The following PLXDC2 variants were observed in gnomAD, a reference collection of about 807,000 sequenced individuals.
PLXDC2 encodes the protein plexin domain containing 2, also known as plexin domain-containing protein 2.
Under a neutral mutation model 68.9 loss-of-function variants are expected in PLXDC2, and 40 were observed. The ratio of observed to expected loss-of-function variants is 0.58; its 90% CI spans 0.45 to 0.76. PLXDC2 has a LOEUF of 0.76. PLXDC2 is among the 30% of genes least tolerant of loss of function. The pLI is 0.00. For synonymous variants in PLXDC2, 243 were observed against 234.2 expected (o/e 1.04, Z -0.34); for missense variants, 644 against 661.9 (o/e 0.97, Z 0.30).
intron 1 of PLXDC2, among the ~76,000 whole-genome samples, chr10:19,867,037 C>T (rs1448633371): frequency 6.8e-6 from 1 of 147,826 alleles, no homozygotes; most frequent in African/African-American, 2.5e-5. Context: ...AGAAGAATGA[C>T]AATTGGAATT....
chr10:20,144,766 A>G (rs1834051084), intron 5 of PLXDC2, among the ~76,000 whole-genome samples: 1 of 152,192 alleles, frequency 6.6e-6, no homozygotes, highest in Non-Finnish European at 1.5e-5. Flanking sequence ...GTGAACACTG[A>G]CTATTTTCCA....
chr10:19,913,270 C>T (rs1439312340), intron 1 of PLXDC2, among the ~76,000 whole-genome samples: 1 of 152,054 alleles, frequency 6.6e-6, no homozygotes, highest in Non-Finnish European at 1.5e-5. Context: ...GTCAAGAGAT[C>T]CGGGTGTTTA....
At chr10:19,903,698 A>G (rs1177166958) in intron 1 of PLXDC2, among the ~76,000 whole-genome samples, 1 of 100,034 alleles carries the variant, frequency 1.0e-5, no homozygotes, top group African/African-American at 4.3e-5. Context: ...TCTCATCTTC[A>G]TTATTTTTTT....
intron 4 of PLXDC2, chr10:20,070,693 G>A (rs1032293655): frequency 6.6e-6 from 1 of 152,090 alleles, no homozygotes; most frequent in Non-Finnish European, 1.5e-5. Flanking sequence ...CATTAGGCAT[G>A]TTTTCTGAAA....
At chr10:20,047,055 G>T (rs1019973531) in intron 3 of PLXDC2, 40 bp downstream of exon 3, 3 of 1,521,044 alleles carry the variant, frequency 2.0e-6, no homozygotes, top group Non-Finnish European at 2.6e-6. Context: ...TACCTACTGT[G>T]AAAAAATAAT....
At chr10:20,037,735 G>A (rs12217228) in intron 2 of PLXDC2, among the ~76,000 whole-genome samples, 31,164 of 152,018 alleles carry the variant, frequency 0.21, 4,363 homozygotes, top group East Asian at 0.59. Context: ...AGATCACAAG[G>A]GTATTGTGCT....
intron 1 of PLXDC2, among the ~76,000 whole-genome samples, chr10:19,853,593 A>G (rs1339361041): frequency 6.9e-6 from 1 of 144,844 alleles, no homozygotes; most frequent in Non-Finnish European, 1.5e-5. Context: ...TCGAGTTTCT[A>G]TCTCATTCAG....
chr10:19,955,126 G>A (rs1171455287), intron 1 of PLXDC2, among the ~76,000 whole-genome samples: 2 of 137,930 alleles, frequency 1.5e-5, no homozygotes, highest in South Asian at 2.3e-4. Context: ...CTGTTGCCCA[G>A]GCTGGAGTGC....
At chr10:20,163,558 C>G (rs1834334829) in intron 6 of PLXDC2, among the ~76,000 whole-genome samples, 1 of 152,096 alleles carries the variant, frequency 6.6e-6, no homozygotes, top group South Asian at 2.1e-4. Flanking sequence ...CACCCAAAAT[C>G]TGCTTATTCT....
chr10:20,007,852 T>C (rs1835051393), intron 2 of PLXDC2, among the ~76,000 whole-genome samples: 1 of 152,220 alleles, frequency 6.6e-6, no homozygotes, highest in East Asian at 1.9e-4. Flanking sequence ...TTTAGGTGCC[T>C]GCCAACAGTA....
chr10:20,227,930 A>C (rs1835307581), intron 12 of PLXDC2, among the ~76,000 whole-genome samples: 1 of 152,192 alleles, frequency 6.6e-6, no homozygotes, highest in Non-Finnish European at 1.5e-5. Flanking sequence ...AGTATTTACT[A>C]ATGAAGTAGA....
chr10:20,052,658 G>C, intron 3 of PLXDC2, among the ~76,000 whole-genome samples: 1 of 135,342 alleles, frequency 7.4e-6, no homozygotes, highest in East Asian at 2.2e-4. Context: ...GGAGTTTCTC[G>C]AATCTTATCA....
intron 12 of PLXDC2, among the ~76,000 whole-genome samples, chr10:20,233,592 G>T (rs1376469107): frequency 6.6e-5 from 10 of 152,124 alleles, no homozygotes; most frequent in Admixed American, 5.2e-4. Context: ...TAAGTAATTT[G>T]TTCATAGTCA....
intron 1 of PLXDC2, among the ~76,000 whole-genome samples, chr10:19,889,623 A>G (rs1401555642): frequency 6.6e-6 from 1 of 152,162 alleles, no homozygotes. Context: ...CCTTTCCAAC[A>G]TGTCTTACTG....
intron 1 of PLXDC2, among the ~76,000 whole-genome samples, chr10:19,863,726 C>G (rs1472447701): frequency 6.6e-6 from 1 of 151,994 alleles, no homozygotes; most frequent in Admixed American, 6.6e-5. Flanking sequence ...TTTTTTATGT[C>G]AGTTCAAAGT....
intron 1 of PLXDC2, among the ~76,000 whole-genome samples, chr10:19,976,812 CT>C (rs1834464805): frequency 1.3e-5 from 2 of 151,470 alleles, no homozygotes; most frequent in South Asian, 4.2e-4. Flanking sequence ...ATAATATTTT[CT>C]GACTCTCTTT....
At chr10:19,920,864 CTGTT>C (rs1316838132) in intron 1 of PLXDC2, among the ~76,000 whole-genome samples, 1 of 152,090 alleles carries the variant, frequency 6.6e-6, no homozygotes, top group East Asian at 1.9e-4. Flanking sequence ...AGCCTTTATT[CTGTT>C]TAAGTGAACA....
chr10:20,147,977 G>A, intron 6 of PLXDC2, 75 bp downstream of exon 6: 1 of 1,055,820 alleles, frequency 9.5e-7, no homozygotes, highest in Non-Finnish European at 1.5e-6. Context: ...TGTCAAGAAA[G>A]GGACATTTTA....
chr10:20,028,592 C>G (rs1188904855), intron 2 of PLXDC2, among the ~76,000 whole-genome samples: 2 of 152,168 alleles, frequency 1.3e-5, no homozygotes, highest in Non-Finnish European at 2.9e-5. Context: ...ATAAGTTACT[C>G]TAAACCTTCT....
Sources: allele counts gnomAD v4.1 joint callset (sites outside exome capture counted in the v4.1 genomes callset), GRCh38; gene constraint gnomAD v4.1.1; transcripts MANE v1.5; gene names NCBI Gene and HGNC (gene_info 2026-07-23, HGNC 2026-07-21).